TMEM108: variants seen among roughly 807,000 people sequenced by gnomAD.
The protein encoded by TMEM108 is transmembrane protein 108, also known as cancer/testis antigen 124.
Under a neutral mutation model 35.1 loss-of-function variants are expected in TMEM108, and 12 were observed. That is an observed-to-expected ratio of 0.34 (90% confidence interval 0.22 to 0.55). The LOEUF is 0.55. Among genes scored for constraint, TMEM108 ranks in the 20% least tolerant of loss-of-function variants. The pLI is 0.89. For missense variants in TMEM108, 680 were observed against 753.3 expected, an observed-to-expected ratio of 0.90 and a Z score of 1.14; for synonymous variants, 287 against 308.6, an observed-to-expected ratio of 0.93 and a Z score of 0.73.
intron 3 of TMEM108, among the ~76,000 whole-genome samples, chr3:133,237,252 A>G (rs1946252030): frequency 6.6e-6 from 1 of 152,046 alleles, no homozygotes; most frequent in Non-Finnish European, 1.5e-5. Context: ...TTGCAATCCC[A>G]AATACATGAA....
intron 2 of TMEM108, among the ~76,000 whole-genome samples, chr3:133,085,182 G>A (rs7618874): frequency 0.24 from 36,288 of 152,054 alleles, 4,493 homozygotes; most frequent in East Asian, 0.31. Context: ...CCTGTTCAAA[G>A]CATAGTCCAA....
At chr3:133,283,145 T>C (rs1195405442) in intron 3 of TMEM108, among the ~76,000 whole-genome samples, 1 of 152,248 alleles carries the variant, frequency 6.6e-6, no homozygotes, top group Non-Finnish European at 1.5e-5. Flanking sequence ...TAATTATTTA[T>C]GCCATTTAAA....
At chr3:133,086,549 GT>G (rs946722609) in intron 2 of TMEM108, among the ~76,000 whole-genome samples, 1 of 152,098 alleles carries the variant, frequency 6.6e-6, no homozygotes, top group African/African-American at 2.4e-5. Flanking sequence ...TAATTGTACA[GT>G]TTAATGAACT....
At chr3:133,043,086 GTT>G in intron 1 of TMEM108, among the ~76,000 whole-genome samples, 1 of 152,292 alleles carries the variant, frequency 6.6e-6, no homozygotes, top group East Asian at 1.9e-4. Flanking sequence ...TGCATATGCT[GTT>G]TCCTGTAAGA....
rs1559818490 is a variant in TMEM108 at position 133,057,479 on chromosome 3, A to ATATCTATATATATATATC, written c.-47+11462_-47+11463insCTATATATATATATCTAT. Among the ~76,000 whole-genome samples the ATATCTATATATATATATC allele has an allele frequency of 1.0e-3, 73 of 73,130 alleles. 1 individual carries two copies. The highest frequency in any genetic ancestry group is 3.5e-3 in the African/African-American group (70 of 19,886). 48.0% of individuals were successfully genotyped at this position (73,130 alleles called of 152,430 possible). A position where few individuals can be genotyped will look rare whatever the true frequency, so the allele number is the denominator to read the frequency against. On this transcript the variant is annotated intron_variant, in intron 2 of 5. Transcript: ENST00000321871. ...TATATATATATATATATATATATAT[A>ATATCTATATATATATATC]TATATATGTGGGTTTTCATGGAATT...
rs139260604 is a variant in TMEM108, at chr3:133,057,421, TTGTG to T, written c.-47+11413_-47+11416del. 3.7e-3 allele frequency among the ~76,000 whole-genome samples: 391 copies of T among 105,104 alleles called. 4 individuals are homozygous for T. The highest frequency in any genetic ancestry group is 9.6e-3 in the East Asian group (32 of 3,346). The allele number at this position is 105,104 out of a possible 152,430, so 69.0% of individuals were successfully genotyped here. On this transcript the variant is annotated intron_variant, in intron 2 of 5. Coordinates refer to ENST00000321871, the MANE Select transcript of TMEM108 (RefSeq NM_023943.4). ...TTTAGTAATAAATATGGGCTATTAG[TTGTG>T]TGTGTGTGTGTATATATATATATAT... is the stretch of plus-strand genomic sequence containing the variant.
intron 4 of TMEM108, among the ~76,000 whole-genome samples, chr3:133,385,364 A>G (rs1361964578): frequency 6.6e-6 from 1 of 152,172 alleles, no homozygotes; most frequent in Non-Finnish European, 1.5e-5. Flanking sequence ...CATCCCAGCC[A>G]GCACCTCCAG....
intron 5 of TMEM108, among the ~76,000 whole-genome samples, chr3:133,395,258 A>G (rs1323035469): frequency 6.6e-6 from 1 of 152,232 alleles, no homozygotes; most frequent in Non-Finnish European, 1.5e-5. Context: ...CAGCATCACT[A>G]GTGCTATAAG....
chr3:133,122,011 C>T (rs1434002363), intron 2 of TMEM108, among the ~76,000 whole-genome samples: 5 of 151,954 alleles, frequency 3.3e-5, no homozygotes, highest in African/African-American at 4.8e-5. Context: ...TAAATCAGCC[C>T]CTGAAAAGAC....
At chr3:133,186,349 C>T (rs1945421144) in intron 2 of TMEM108, among the ~76,000 whole-genome samples, 1 of 152,158 alleles carries the variant, frequency 6.6e-6, no homozygotes, top group South Asian at 2.1e-4. Context: ...CTTAACTTCC[C>T]AGAAACCATT....
In TMEM108 at chr3:133,222,401, G is replaced by A. The variant is rs1281164594; in HGVS notation, c.-46-6865G>A. 3.3e-5 allele frequency among the ~76,000 whole-genome samples: 5 copies of A among 152,020 alleles called. No individual in the cohort carries two copies. In the East Asian group the frequency reaches 9.6e-4, roughly 29 times the overall value. On this transcript the variant is annotated intron_variant, in intron 2 of 5. Coordinates refer to ENST00000321871, the MANE Select transcript of TMEM108 (RefSeq NM_023943.4). ...CAATTGAATCTTATTGGAAGCCTTT[G>A]ACCTTCCTGTACCTGGATATTTATG...
intron 2 of TMEM108, among the ~76,000 whole-genome samples, chr3:133,066,347 C>T (rs1294631847): frequency 6.6e-6 from 1 of 151,746 alleles, no homozygotes; most frequent in Non-Finnish European, 1.5e-5. Context: ...TTATTTTATA[C>T]CTTGTTCTAG....
Position 133,272,272 on chromosome 3 carries a change from C to CATGTGTGTGTGTGTGT in TMEM108, c.40+42921_40+42922insATGTGTGTGTGTGTGT, listed in dbSNP as rs373072243. The stretch of plus-strand genomic sequence containing the variant: ...GCCTTATAAGAACACCATACACGTA[C>CATGTGTGTGTGTGTGT]GTGTGTGTGTGTGTGTGTGTGTGTG... On this transcript the variant is annotated intron_variant, in intron 3 of 5. Coordinates refer to ENST00000321871, the MANE Select transcript of TMEM108 (RefSeq NM_023943.4). Among the ~76,000 whole-genome samples, 301 of 137,828 alleles carry CATGTGTGTGTGTGTGT rather than the reference C, an allele frequency of 2.2e-3. 1 individual carries two copies. The highest frequency in any genetic ancestry group is 7.7e-3 in the African/African-American group (289 of 37,342). The allele number at this position is 137,828 out of a possible 152,430, so 90.4% of individuals were successfully genotyped here. A position where few individuals can be genotyped will look rare whatever the true frequency, so the allele number is the denominator to read the frequency against.
At chr3:133,121,671 G>A (rs989087062) in intron 2 of TMEM108, among the ~76,000 whole-genome samples, 6 of 152,116 alleles carry the variant, frequency 3.9e-5, no homozygotes, top group African/African-American at 9.7e-5. Context: ...ACTGAAAACC[G>A]TCACAACAGT....
At chr3:133,101,597 C>T (rs1013407426) in intron 2 of TMEM108, among the ~76,000 whole-genome samples, 5 of 152,150 alleles carry the variant, frequency 3.3e-5, no homozygotes, top group South Asian at 4.2e-4. Context: ...TAGTAGAAGC[C>T]GTCTAATCTG....
intron 2 of TMEM108, among the ~76,000 whole-genome samples, chr3:133,212,950 G>T (rs189566330): frequency 1.3e-5 from 2 of 151,272 alleles, no homozygotes; most frequent in African/African-American, 4.9e-5. Flanking sequence ...TGGAAGTGAA[G>T]GATATTCCTG....
chr3:133,050,350 T>C (rs1273366324), intron 2 of TMEM108, among the ~76,000 whole-genome samples: 1 of 152,140 alleles, frequency 6.6e-6, no homozygotes, highest in Non-Finnish European at 1.5e-5. Context: ...CATTTGTTTA[T>C]TTGAACAGTT....
At chr3:133,117,411 C>G (rs1276806138) in intron 2 of TMEM108, among the ~76,000 whole-genome samples, 5 of 152,162 alleles carry the variant, frequency 3.3e-5, no homozygotes. Context: ...AGAGTACATT[C>G]CTTTCTGCCA....
At chr3:133,216,866 G>A (rs1414526381) in intron 2 of TMEM108, among the ~76,000 whole-genome samples, 2 of 152,054 alleles carry the variant, frequency 1.3e-5, no homozygotes, top group African/African-American at 2.4e-5. Context: ...TTCATATCTT[G>A]ACTGTTGTGA....
Sources: gnomAD v4.1 joint callset for allele counts (sites outside exome capture counted in the v4.1 genomes callset) on GRCh38, gnomAD v4.1.1 for gene constraint, MANE v1.5 for transcripts, NCBI Gene and HGNC (gene_info 2026-07-23, HGNC 2026-07-21) for gene names.